The following POLR3G variants were observed in gnomAD, a reference collection of about 807,000 sequenced individuals.
POLR3G encodes the protein DNA-directed RNA polymerase III subunit RPC7.
POLR3G carries 28 observed loss-of-function variants against 30.1 expected under a neutral mutation model. The ratio of observed to expected loss-of-function variants is 0.93; its 90% CI spans 0.69 to 1.27. POLR3G has a LOEUF of 1.27. Ranked by LOEUF, POLR3G falls within the 50% of genes most tolerant of loss-of-function variation. POLR3G has a pLI of 0.00. For synonymous variants in POLR3G, 79 were observed against 82.5 expected (o/e 0.96, Z 0.23); for missense variants, 254 against 264.6 (o/e 0.96, Z 0.28).
chr5:90,500,045 TC>T (rs1251656963), intron 5 of POLR3G, among the ~76,000 whole-genome samples: 2 of 152,188 alleles, frequency 1.3e-5, no homozygotes, highest in African/African-American at 2.4e-5. Flanking sequence ...AAATATGTTA[TC>T]CCTGGGATTT....
chr5:90,486,129 T>C (rs999890826), intron 2 of POLR3G, among the ~76,000 whole-genome samples: 1 of 152,354 alleles, frequency 6.6e-6, no homozygotes, highest in Middle Eastern at 3.4e-3. Context: ...CTTTTTTTGC[T>C]TATTTTAGTG....
intron 2 of POLR3G, 79 bp from the exon 3 acceptor site, chr5:90,487,921 G>C: frequency 8.2e-7 from 1 of 1,213,480 alleles, no homozygotes; most frequent in Non-Finnish European, 1.1e-6. Flanking sequence ...TAAAACTGCT[G>C]TTTTCTATAA....
intron 7 of POLR3G, among the ~76,000 whole-genome samples, chr5:90,510,868 T>TAAA (rs35627067): frequency 7.0e-6 from 1 of 142,894 alleles, no homozygotes. Flanking sequence ...TATCCAGATT[T>TAAA]AAAAAAAAAA....
intron 3 of POLR3G, 78 bp from the exon 4 acceptor site, chr5:90,495,599 A>G: frequency 6.5e-7 from 1 of 1,537,544 alleles, no homozygotes; most frequent in South Asian, 1.3e-5. Context: ...TGTTGTTTTC[A>G]ATAATCTTAA....
chr5:90,497,991 TC>T (rs1186493631), intron 5 of POLR3G, among the ~76,000 whole-genome samples: 14 of 152,054 alleles, frequency 9.2e-5, no homozygotes, highest in Admixed American at 6.6e-5. Flanking sequence ...GCACCTGTAG[TC>T]CCAGCTACTT....
intron 1 of POLR3G, among the ~76,000 whole-genome samples, chr5:90,477,437 T>C (rs1356647168): frequency 6.6e-6 from 1 of 152,172 alleles, no homozygotes; most frequent in East Asian, 1.9e-4. Flanking sequence ...TGTTCTGTTT[T>C]AGAGGTCCAG....
At chr5:90,507,801 G>C (rs998196969) in intron 7 of POLR3G, among the ~76,000 whole-genome samples, 1 of 152,098 alleles carries the variant, frequency 6.6e-6, no homozygotes, top group Non-Finnish European at 1.5e-5. Context: ...TTTGTCTCCA[G>C]CCTTCTTTTC....
intron 6 of POLR3G, among the ~76,000 whole-genome samples, chr5:90,504,650 T>C (rs1434520442): frequency 2.0e-5 from 3 of 152,160 alleles, no homozygotes; most frequent in African/African-American, 7.2e-5. Context: ...TTTTTAGATA[T>C]AGTGTGTACC....
intron 1 of POLR3G, among the ~76,000 whole-genome samples, chr5:90,478,569 C>CTGTTTTTTTTTTTTTTTTT (rs1750957077): frequency 2.5e-5 from 2 of 79,334 alleles, no homozygotes; most frequent in South Asian, 4.4e-4. Context: ...CTGCGTGGTT[C>CTGTTTTTTTTTTTTTTTTT]TTTTTTTTTT....
intron 6 of POLR3G, chr5:90,502,495 G>A (rs1225788099): frequency 7.1e-6 from 4 of 565,294 alleles, no homozygotes; most frequent in African/African-American, 6.2e-5. Flanking sequence ...GATTCAGAAG[G>A]TTAAAGCACT....
chr5:90,474,388 T>G (rs537775001), upstream of POLR3G: 233 of 1,165,760 alleles, frequency 2.0e-4, 1 homozygote, highest in Middle Eastern at 2.2e-4. Context: ...TGAAGCGGTC[T>G]GCCTGCAGCC....
At position 90,506,531 on chromosome 5, in the gene POLR3G, T is replaced by C. The variant is rs781396518; in HGVS notation, c.442T>C (p.Leu148=). The change falls in exon 7 of 8, where the codon TTG becomes CTG. Residue 148 remains leucine, a synonymous_variant. Transcript: ENST00000651687. The stretch of plus-strand genomic sequence containing the variant: ...TAATGAAACTCACTTATACCAGGAA[T>C]TGGAAAAAAGAGGTGATGGTGAAAA... ...TEDVLKKMEE[L]EKRGDGEKSD... is the part of the protein sequence containing the mutation. The C allele has an allele frequency of 6.2e-7, 1 of 1,611,310 alleles. No homozygotes were observed. Among genetic ancestry groups the C allele is most frequent in the South Asian group, 1.1e-5 (1 of 90,570 alleles).
intron 6 of POLR3G, 165 bp downstream of exon 6, chr5:90,502,153 G>T (rs1052131374): frequency 1.0e-6 from 1 of 985,240 alleles, no homozygotes; most frequent in Non-Finnish European, 1.2e-6. Flanking sequence ...AACTTTGCAG[G>T]CTGGGAGATA....
At chr5:90,474,280 C>A (rs754982323), upstream of POLR3G, 9 of 1,612,962 alleles carry the variant, frequency 5.6e-6, no homozygotes, top group Middle Eastern at 1.6e-4. Flanking sequence ...GCGTACCACT[C>A]GAGCGCCGAC....
upstream of POLR3G, chr5:90,474,519 C>G: frequency 3.7e-6 from 2 of 543,740 alleles, no homozygotes; most frequent in South Asian, 2.3e-5. Context: ...AGGTCGGCAG[C>G]AAGCAGAGGC....
chr5:90,504,594 T>A (rs1464368110), intron 6 of POLR3G, among the ~76,000 whole-genome samples: 6 of 151,806 alleles, frequency 4.0e-5, no homozygotes, highest in Admixed American at 3.9e-4. Flanking sequence ...ACATAACTGG[T>A]TTAAATAACT....
chr5:90,502,038 C>G, intron 6 of POLR3G, 50 bp downstream of exon 6: 1 of 1,582,508 alleles, frequency 6.3e-7, no homozygotes, highest in Non-Finnish European at 8.6e-7. Flanking sequence ...TGTAAAAGAT[C>G]CTACCTCGTT....
chr5:90,487,008 G>A (rs1403611242), intron 2 of POLR3G, among the ~76,000 whole-genome samples: 1 of 152,106 alleles, frequency 6.6e-6, no homozygotes, highest in Non-Finnish European at 1.5e-5. Context: ...TAGGTACCCT[G>A]GAGATCCACT....
intron 5 of POLR3G, among the ~76,000 whole-genome samples, chr5:90,501,160 C>T (rs1283919622): frequency 6.6e-6 from 1 of 152,132 alleles, no homozygotes; most frequent in East Asian, 1.9e-4. Context: ...TTCTGTGTTG[C>T]ACTGTCATCT....
Sources: gnomAD v4.1 joint callset for allele counts (sites outside exome capture counted in the v4.1 genomes callset) on GRCh38, gnomAD v4.1.1 for gene constraint, MANE v1.5 for transcripts, NCBI Gene and HGNC (gene_info 2026-07-23, HGNC 2026-07-21) for gene names.